UTRN: variants seen among roughly 807,000 people sequenced by gnomAD.
UTRN encodes utrophin, also known as dystrophin-related protein 1.
UTRN carries 283 observed loss-of-function variants against 463.9 expected under a neutral mutation model. That is an observed-to-expected ratio of 0.61 (90% CI 0.55 to 0.67). UTRN has a LOEUF of 0.67. Among genes scored for constraint, UTRN ranks in the 30% least tolerant of loss-of-function variants. The pLI is 0.00. For missense variants in UTRN, 3,922 were observed against 4,084.3 expected, an observed-to-expected ratio of 0.96 and a Z score of 1.08; for synonymous variants, 1,442 against 1,431.5, an observed-to-expected ratio of 1.01 and a Z score of -0.17.
intron 60 of UTRN, among the ~76,000 whole-genome samples, chr6:144,774,753 TA>T (rs1252672474): frequency 6.6e-6 from 1 of 152,172 alleles, no homozygotes; most frequent in African/African-American, 2.4e-5. Flanking sequence ...AAAGAAACAC[TA>T]AAAAATCACA....
At chr6:144,540,081 C>A (rs1194311782) in intron 45 of UTRN, among the ~76,000 whole-genome samples, 2 of 151,638 alleles carry the variant, frequency 1.3e-5, no homozygotes, top group East Asian at 3.9e-4. Flanking sequence ...AAATAGCATC[C>A]TGATTTTGCA....
At chr6:144,546,292 G>T (rs574510177) in intron 46 of UTRN, among the ~76,000 whole-genome samples, 104 of 152,068 alleles carry the variant, frequency 6.8e-4, no homozygotes, top group African/African-American at 2.4e-3. Context: ...GGTTCTTATT[G>T]TTCTACAGCA....
At chr6:144,293,423 T>A (rs1185592802) in intron 2 of UTRN, among the ~76,000 whole-genome samples, 1 of 152,144 alleles carries the variant, frequency 6.6e-6, no homozygotes, top group Non-Finnish European at 1.5e-5. Flanking sequence ...TATTTTAATT[T>A]AAAATTATCT....
chr6:144,516,836 A>G lies in UTRN; in HGVS notation c.5429A>G (p.Glu1810Gly). 6.6e-7 allele frequency: 1 copy of G among 1,504,146 alleles called. No individual in the cohort carries two copies. Among genetic ancestry groups the G allele is most frequent in the South Asian group, 1.4e-5 (1 of 72,332 alleles). The allele number at this position is 1,504,146 out of a possible 1,614,324, so 93.2% of individuals were successfully genotyped here. Residue 1810 changes from glutamate to glycine, a missense_variant, in exon 39 of 75, where the codon GAG becomes GGG. Glu to Gly is a moderately conservative substitution (Grantham distance 98). Coordinates refer to ENST00000367545, the MANE Select transcript of UTRN (RefSeq NM_007124.3). The stretch of plus-strand genomic sequence containing the variant: ...ATGGATGAGGAGAGTGCCCAGATTG[A>G]GGAAGTTCTACAAAGAGGAGAAGAA... The part of the protein sequence containing the change: ...EKMDEESAQI[E>G]EVLQRGEEML...
chr6:144,294,339 A>G (rs1804502342), intron 2 of UTRN, among the ~76,000 whole-genome samples: 1 of 152,156 alleles, frequency 6.6e-6, no homozygotes, highest in Admixed American at 6.6e-5. Flanking sequence ...GGCTTCCTCT[A>G]AGGGACTTTT....
chr6:144,589,258 T>C (rs767612427), intron 51 of UTRN, among the ~76,000 whole-genome samples: 5 of 152,236 alleles, frequency 3.3e-5, no homozygotes, highest in Non-Finnish European at 7.3e-5. Flanking sequence ...TTAGCTGTTA[T>C]GATGGGAAAA....
chr6:144,394,539 A>T (rs1782223785), intron 2 of UTRN, among the ~76,000 whole-genome samples: 1 of 152,192 alleles, frequency 6.6e-6, no homozygotes, highest in African/African-American at 2.4e-5. Context: ...AAACCATATC[A>T]ATATGTATTC....
intron 51 of UTRN, among the ~76,000 whole-genome samples, chr6:144,581,128 A>C (rs1801932330): frequency 6.6e-6 from 1 of 152,240 alleles, no homozygotes; most frequent in Non-Finnish European, 1.5e-5. Flanking sequence ...AGTAACATCC[A>C]GGAGGAATTG....
intron 52 of UTRN, among the ~76,000 whole-genome samples, chr6:144,681,720 T>C (rs952667375): frequency 1.3e-5 from 2 of 152,190 alleles, no homozygotes; most frequent in Non-Finnish European, 2.9e-5. Flanking sequence ...ATTTGCTCTA[T>C]TATTATAGTT....
intron 72 of UTRN, among the ~76,000 whole-genome samples, chr6:144,839,822 G>A (rs773378901): frequency 3.9e-5 from 6 of 152,084 alleles, no homozygotes; most frequent in Non-Finnish European, 8.8e-5. Flanking sequence ...CAGTAAACTA[G>A]GTGTTAACCA....
In UTRN at chr6:144,495,066, C is replaced by T. The variant is rs142653444; in HGVS notation, c.4593+1610C>T. On this transcript the variant is annotated intron_variant, in intron 33 of 74. Transcript: ENST00000367545. The stretch of plus-strand genomic sequence containing the variant: ...AGACTCTCCACGTCCCCACCAGACC[C>T]AGGAGTCCAGCTGGCTTCACCCAGT... Among the ~76,000 whole-genome samples, 718 of 152,380 alleles carry T rather than the reference C, an allele frequency of 4.7e-3. 6 individuals are homozygous for T. The highest frequency in any genetic ancestry group is 0.01 in the Middle Eastern group (3 of 294).
intron 3 of UTRN, among the ~76,000 whole-genome samples, chr6:144,406,817 T>C (rs898733787): frequency 6.6e-6 from 1 of 152,202 alleles, no homozygotes; most frequent in African/African-American, 2.4e-5. Context: ...TTTTGGTATA[T>C]AGTGTGATGT....
intron 60 of UTRN, 90 bp downstream of exon 60, chr6:144,774,454 T>C: frequency 8.4e-7 from 1 of 1,194,316 alleles, no homozygotes; most frequent in Non-Finnish European, 1.2e-6. Context: ...GGATGGAGTG[T>C]TTGCCAAGTT....
At chr6:144,752,341 T>G (rs1791490727) in intron 56 of UTRN, among the ~76,000 whole-genome samples, 1 of 152,168 alleles carries the variant, frequency 6.6e-6, no homozygotes, top group Non-Finnish European at 1.5e-5. Context: ...CTATTGTTTT[T>G]CTTCTAACTG....
chr6:144,398,728 G>A (rs1344878343), intron 2 of UTRN: 1 of 154,564 alleles, frequency 6.5e-6, no homozygotes, highest in Non-Finnish European at 1.5e-5. Flanking sequence ...GACTATAATG[G>A]CTTCACAGGT....
At position 144,821,880 on chromosome 6, in the gene UTRN, A is replaced by G. The variant is rs561841789; in HGVS notation, c.9494+862A>G. ...ATCTTGGGGAAAATGAACTTTTATT[A>G]CTAATCATCAACAGAGTGCCCAGTT... On this transcript the variant is annotated intron_variant, in intron 66 of 74. Transcript: ENST00000367545. Among the ~76,000 whole-genome samples, 8 of 152,244 alleles carry G rather than the reference A, an allele frequency of 5.3e-5. No individual in the cohort carries two copies. In the South Asian group the frequency reaches 1.4e-3, roughly 28 times the overall value.
At chr6:144,429,042 T>C in intron 8 of UTRN, 149 bp downstream of exon 8, 2 of 538,702 alleles carry the variant, frequency 3.7e-6, no homozygotes, top group South Asian at 3.1e-5. Flanking sequence ...ATTTTATTAC[T>C]GACACTTATT....
intron 10 of UTRN, 66 bp downstream of exon 10, chr6:144,436,204 T>C: frequency 6.9e-7 from 1 of 1,454,534 alleles, no homozygotes; most frequent in East Asian, 2.3e-5. Flanking sequence ...TCAGGGACTC[T>C]ACTCTCCTAT....
intron 51 of UTRN, among the ~76,000 whole-genome samples, chr6:144,582,142 C>A (rs374716888): frequency 6.6e-6 from 1 of 151,914 alleles, no homozygotes; most frequent in Non-Finnish European, 1.5e-5. Context: ...CTGTAAGACA[C>A]AATATAGGAC....
Sources: allele counts gnomAD v4.1 joint callset (sites outside exome capture counted in the v4.1 genomes callset), GRCh38; gene constraint gnomAD v4.1.1; transcripts MANE v1.5; gene names NCBI Gene and HGNC (gene_info 2026-07-23, HGNC 2026-07-21).